Variants in P3H4 observed in about 807,000 individuals in gnomAD.
P3H4 encodes the protein endoplasmic reticulum protein SC65.
Under a neutral mutation model 52.9 loss-of-function variants are expected in P3H4, and 47 were observed. The ratio of observed to expected loss-of-function variants is 0.89; its 90% CI spans 0.70 to 1.13. The LOEUF (loss-of-function observed/expected upper bound fraction) is 1.13. Among genes scored for constraint, P3H4 ranks in the 50% most tolerant of loss-of-function variants. The probability of loss-of-function intolerance (pLI) is 0.00; values close to 1 mark genes in which losing one functional copy is unlikely to be tolerated. For synonymous variants in P3H4, 256 were observed against 267.9 expected, an observed-to-expected ratio of 0.96 and a Z score of 0.44; for missense variants, 585 against 611.0, an observed-to-expected ratio of 0.96 and a Z score of 0.45.
chr17:41,811,594 G>T lies in P3H4; in HGVS notation c.322C>A (p.Arg108Ser). 1.9e-6 allele frequency: 3 copies of T among 1,578,474 alleles called. No homozygotes were observed. Among genetic ancestry groups the T allele is most frequent in the Non-Finnish European group, 2.6e-6 (3 of 1,165,932 alleles). Reference sequence around the variant, plus strand: ...AGGCAGGCGGCTCGCTCCAGGACGCGGCCGAAGAGCCGCAGCTCGCAGGCC... The same window carrying T: ...AGGCAGGCGGCTCGCTCCAGGACGCTGCCGAAGAGCCGCAGCTCGCAGGCC... ...EWACELRLFG[R>S]VLERAACLRR... Residue 108 changes from arginine to serine, a missense_variant, in exon 1 of 8, where the codon CGC (arginine) becomes AGC (serine). Transcript: ENST00000393928. The surrounding 1 kb of genome is among the most constrained non-coding windows in gnomAD (Gnocchi z 4.8).
At position 41,811,191 on chromosome 17, in the gene P3H4, G is replaced by A; in HGVS notation, c.556C>T (p.Gln186Ter). 6.2e-7 allele frequency: 1 copy of A among 1,614,174 alleles called. No homozygotes were observed. Residue 186 changes from glutamine to a stop codon, truncating the protein, a stop_gained, in exon 2 of 8, where the codon CAG (glutamine) becomes TAG (stop). Transcript: ENST00000393928. LOFTEE classifies it high-confidence loss of function. The surrounding 1 kb of genome is among the most constrained non-coding windows in gnomAD (Gnocchi z 4.8). Reference protein sequence around the residue: ...ELTAKYLNYYQGMLDVADESL... With the variant: ...ELTAKYLNYY ...TCGTCGGCGACGTCCAGCATCCCCT[G>A]ATAGTAGTTGAGATACTTGGCGGTC...
chr17:41,807,223 G>A, intron 5 of P3H4: 3 of 346,314 alleles, frequency 8.7e-6, no homozygotes, highest in East Asian at 6.5e-5. Context: ...GAGGGACAAA[G>A]GTCAGCAGTG....
At chr17:41,805,146 G>T (rs1451493254) in intron 6 of P3H4, among the ~76,000 whole-genome samples, 3 of 151,198 alleles carry the variant, frequency 2.0e-5, no homozygotes, top group African/African-American at 7.3e-5. Flanking sequence ...AATTAGCCGG[G>T]CGTGGTGGCA....
chr17:41,805,306 A>AAACAAACAAACAAAC (rs1555614054), intron 6 of P3H4, among the ~76,000 whole-genome samples: 62,866 of 124,064 alleles, frequency 0.51, 13,762 homozygotes, highest in South Asian at 0.6. Context: ...AACAAACAAA[A>AAACAAACAAACAAAC]AAACATACTT....
chr17:41,806,739 G>A (rs782717699), intron 6 of P3H4, 57 bp downstream of exon 6: 14 of 1,467,772 alleles, frequency 9.5e-6, no homozygotes, highest in East Asian at 4.7e-5. Context: ...GTGGCCCCAG[G>A]AAAAGGTCCA....
intron 6 of P3H4, 28 bp downstream of exon 6, chr17:41,806,768 C>T: frequency 6.3e-7 from 1 of 1,598,736 alleles, no homozygotes. Context: ...CCATCACAGC[C>T]CAATCCTGGA....
At chr17:41,806,933 G>A in intron 5 of P3H4, 54 bp from the exon 6 acceptor site, 2 of 1,429,888 alleles carry the variant, frequency 1.4e-6, no homozygotes, top group Admixed American at 1.8e-5. Context: ...TTGCCAGATG[G>A]CAAGAAGCCA....
At position 41,811,300 on chromosome 17, in the gene P3H4, G is replaced by A; in HGVS notation, c.463-16C>T. On this transcript the variant is annotated splice_polypyrimidine_tract_variant and intron_variant, in intron 1 of 7. Coordinates refer to ENST00000393928, the MANE Select transcript of P3H4 (RefSeq NM_006455.3). The surrounding 1 kb of genome is among the most constrained non-coding windows in gnomAD (Gnocchi z 4.8). Reference sequence around the variant, plus strand: ...GCCGGTTAGCCTGGTCGGGGGGTAGGGGGTGGGGGAGCGGGTCAGCAAGAC... The same window carrying A: ...GCCGGTTAGCCTGGTCGGGGGGTAGAGGGTGGGGGAGCGGGTCAGCAAGAC... The A allele has an allele frequency of 6.2e-7, 1 of 1,611,824 alleles. No homozygotes were observed. The highest frequency in any genetic ancestry group is 8.5e-7 in the Non-Finnish European group (1 of 1,179,808).
At position 41,803,297 on chromosome 17, in the gene P3H4, C is replaced by T. The variant is rs2047637610; in HGVS notation, c.1281G>A (p.Glu427=). 1.2e-6 allele frequency: 2 copies of T among 1,613,662 alleles called. No individual in the cohort carries two copies. The highest frequency in any genetic ancestry group is 1.7e-6 in the Non-Finnish European group (2 of 1,179,858). Residue 427 remains glutamate (E), a synonymous_variant, in exon 7 of 8, where the codon GAG becomes GAA. Transcript: ENST00000393928. ...ACTCGTGTCACTGACCAGCCTCGGC[C>T]TCGTCACCCTTGGCATCCGGCTCCT... ...WWQEPDAKGD[E]AEAEPEPELA is the part of the protein sequence containing the mutation.
At position 41,809,779 on chromosome 17, in the gene P3H4, G is replaced by A. The variant is rs1443703361; in HGVS notation, c.843C>T (p.Pro281=). 1 of 1,613,794 alleles carries A rather than the reference G, an allele frequency of 6.2e-7. No homozygotes were observed. Among genetic ancestry groups the A allele is most frequent in the Non-Finnish European group, 8.5e-7 (1 of 1,179,960 alleles). Residue 281 remains proline, a synonymous_variant, in exon 4 of 8, where the codon CCC becomes CCT. Transcript: ENST00000393928. The part of the protein sequence containing the change: ...CKVDCEANLT[P]NVGGYFVDKF... The stretch of plus-strand genomic sequence containing the variant: ...TGTCCACGAAGTAGCCACCCACATT[G>A]GGGGTCAAATTGGCCTCACAGTCCA...
Position 41,809,740 on chromosome 17 carries a change from G to A in P3H4, c.882C>T (p.Thr294=). ...GGYFVDKFVA[T]MYHYLQFAYY... ...AGGCAAACTGCAGGTAGTGGTACAT[G>A]GTGGCCACGAACTTGTCCACGAAGT... Residue 294 remains threonine, a synonymous_variant, in exon 4 of 8, where the codon ACC becomes ACT. Transcript: ENST00000393928. 1 of 1,613,668 alleles carries A rather than the reference G, an allele frequency of 6.2e-7. No homozygotes were observed. The highest frequency in any genetic ancestry group is 1.1e-5 in the South Asian group (1 of 91,026).
intron 6 of P3H4, 42 bp downstream of exon 6, chr17:41,806,754 G>A (rs782668258): frequency 1.9e-6 from 3 of 1,544,710 alleles, no homozygotes; most frequent in Non-Finnish European, 2.7e-6. Flanking sequence ...GGTCCAAGGT[G>A]TCCCCATCAC....
In P3H4 at chr17:41,806,798, C is replaced by T. The variant is rs782617088; in HGVS notation, c.1144G>A (p.Glu382Lys). Residue 382 changes from glutamate to lysine, a missense_variant and splice_region_variant, in exon 6 of 8, where the codon GAG (glutamate) becomes AAG (lysine). Physicochemically the swap from Glu to Lys is moderately conservative, Grantham distance 56. Transcript: ENST00000393928. ...FTHMYLQSDD[E>K]MELEETEPPL... ...CCTGGAAAGCAGGAGGCACTCACCT[C>T]ATCATCTGACTGCAGGTACATGTGG... 4 of 1,612,950 alleles carry T rather than the reference C, an allele frequency of 2.5e-6. No homozygotes were observed. The highest frequency in any genetic ancestry group is 1.7e-5 in the Admixed American group (1 of 59,928).
intron 6 of P3H4, among the ~76,000 whole-genome samples, chr17:41,804,133 A>T (rs60682974): frequency 0.013 from 2,021 of 151,844 alleles, 50 homozygotes; most frequent in African/African-American, 0.047. Context: ...TTGCATTTTT[A>T]GTAGAGACCG....
intron 6 of P3H4, among the ~76,000 whole-genome samples, chr17:41,804,976 G>GA (rs1442646967): frequency 2.8e-5 from 4 of 144,150 alleles, no homozygotes; most frequent in Admixed American, 6.9e-5. Context: ...CTGTCTCCAA[G>GA]AAAAAAAAAA....
chr17:41,807,201 G>A (rs930966965), intron 5 of P3H4: 3 of 383,554 alleles, frequency 7.8e-6, no homozygotes, highest in Non-Finnish European at 1.5e-5. Context: ...TACCTAGGGT[G>A]TTCCTGGGAA....
At chr17:41,803,083 G>T in intron 7 of P3H4, 104 bp from the exon 8 acceptor site, 1 of 1,459,340 alleles carries the variant, frequency 6.9e-7, no homozygotes, top group Non-Finnish European at 9.4e-7. Flanking sequence ...CCCCGGACAG[G>T]TCTCAGCTGG....
In P3H4 at chr17:41,802,376, A is replaced by C. The variant is rs62065920; in HGVS notation, c.*581T>G. 3,966 of 149,494 alleles carry C rather than the reference A, an allele frequency of 0.027. 74 individuals carry two copies. Among genetic ancestry groups the C allele is most frequent in the Non-Finnish European group, 0.038 (2,576 of 68,316 alleles). 9.3% of individuals were successfully genotyped at this position (149,494 alleles called of 1,614,324 possible). On this transcript the variant is annotated 3_prime_UTR_variant, in exon 8 of 8. Transcript: ENST00000393928. ...ACTGCAAGCTCCGCCTCCTGGGTTCAGGCGATTCTCCTGCCTCAGCTACGA... is the reference window on the plus strand; with the variant it reads ...ACTGCAAGCTCCGCCTCCTGGGTTCCGGCGATTCTCCTGCCTCAGCTACGA...
At chr17:41,805,676 C>T (rs2144017008) in intron 6 of P3H4, among the ~76,000 whole-genome samples, 1 of 152,232 alleles carries the variant, frequency 6.6e-6, no homozygotes, top group South Asian at 2.1e-4. Flanking sequence ...TGATTCTCCC[C>T]ATTCAATGGA....
Sources: gnomAD v4.1 joint callset for allele counts (sites outside exome capture counted in the v4.1 genomes callset) on GRCh38, gnomAD v4.1.1 for gene constraint, Gnocchi (gnomAD v3.1) non-coding constraint, MANE v1.5 for transcripts, NCBI Gene and HGNC (gene_info 2026-07-23, HGNC 2026-07-21) for gene names.